Variants in VAMP7 observed in about 807,000 individuals in gnomAD.
The protein encoded by VAMP7 is vesicle-associated membrane protein 7.
In VAMP7, 14 loss-of-function variants were observed where a neutral mutation model predicts 29.6. That is an observed-to-expected ratio of 0.47 (90% CI 0.31 to 0.74). VAMP7 has a LOEUF of 0.74. VAMP7 is among the 30% of genes least tolerant of loss of function. The pLI, the probability that VAMP7 is intolerant of heterozygous loss-of-function variation, is 0.05. For synonymous variants in VAMP7, 95 were observed against 88.1 expected (o/e 1.08, Z -0.44); for missense variants, 223 against 262.4 (o/e 0.85, Z 1.04).
chrX:155,906,676 C>T (rs2066152206), intron 5 of VAMP7, among the ~76,000 whole-genome samples: 3 of 151,974 alleles, frequency 2.0e-5, no homozygotes, highest in African/African-American at 7.2e-5. Flanking sequence ...ATCATACAAC[C>T]TTGTTCTCCT....
At chrX:155,936,967 C>T (rs2066669002) in intron 6 of VAMP7, among the ~76,000 whole-genome samples, 2 of 152,000 alleles carry the variant, frequency 1.3e-5, no homozygotes, top group Admixed American at 1.3e-4. Flanking sequence ...TTCAAGAAGA[C>T]ACAAATCAAT....
At chrX:155,909,436 T>C (rs758830673) in intron 5 of VAMP7, among the ~76,000 whole-genome samples, 16 of 152,298 alleles carry the variant, frequency 1.1e-4, no homozygotes, top group African/African-American at 3.6e-4. Context: ...ACTTCTGGTT[T>C]CATAGATTTT....
intron 6 of VAMP7, among the ~76,000 whole-genome samples, chrX:155,922,071 T>C (rs2066404265): frequency 1.3e-5 from 2 of 152,100 alleles, no homozygotes; most frequent in African/African-American, 4.8e-5. Context: ...TTGTATTGTG[T>C]AACAAATTTT....
chrX:155,939,646 C>A (rs1008424645), intron 6 of VAMP7, 55 bp from the exon 7 acceptor site: 10 of 1,271,680 alleles, frequency 7.9e-6, no homozygotes, highest in Non-Finnish European at 9.2e-6. Flanking sequence ...GTTGTTACTG[C>A]AAATCATTCA....
intron 6 of VAMP7, among the ~76,000 whole-genome samples, chrX:155,934,345 G>C (rs1446173190): frequency 6.6e-6 from 1 of 152,140 alleles, no homozygotes; most frequent in Non-Finnish European, 1.5e-5. Context: ...AAGTCTCTTT[G>C]TAGGTCTCTA....
intron 5 of VAMP7, among the ~76,000 whole-genome samples, chrX:155,918,514 C>G (rs1602981253): frequency 6.6e-6 from 1 of 152,236 alleles, no homozygotes; most frequent in African/African-American, 2.4e-5. Context: ...CCAGAGTGCA[C>G]CATTCCTCAC....
chrX:155,906,361 G>C (rs1029976849), intron 5 of VAMP7, among the ~76,000 whole-genome samples: 4 of 151,948 alleles, frequency 2.6e-5, no homozygotes, highest in Admixed American at 6.6e-5. Context: ...TCCATCCTCT[G>C]ACCCCCTCAC....
At chrX:155,901,593 T>A (rs2066063346) in intron 5 of VAMP7, among the ~76,000 whole-genome samples, 1 of 152,194 alleles carries the variant, frequency 6.6e-6, no homozygotes, top group South Asian at 2.1e-4. Flanking sequence ...TACATATGGC[T>A]AGCCAGTTTT....
intron 5 of VAMP7, among the ~76,000 whole-genome samples, chrX:155,905,162 C>A (rs2066130092): frequency 6.6e-6 from 1 of 151,874 alleles, no homozygotes; most frequent in African/African-American, 2.4e-5. Flanking sequence ...TCCCTGATGA[C>A]TAATGATGTT....
At chrX:155,910,675 T>G (rs1476645584) in intron 5 of VAMP7, among the ~76,000 whole-genome samples, 2 of 152,184 alleles carry the variant, frequency 1.3e-5, no homozygotes, top group South Asian at 4.2e-4. Flanking sequence ...GATATCTCAT[T>G]TTGGCTTTTA....
At chrX:155,884,748 G>A (rs2065846497) in intron 1 of VAMP7, among the ~76,000 whole-genome samples, 1 of 152,156 alleles carries the variant, frequency 6.6e-6, no homozygotes, top group Non-Finnish European at 1.5e-5. Flanking sequence ...ATTTTTCAGT[G>A]TTATCAAAAT....
chrX:155,925,558 C>T (rs2066455722), intron 6 of VAMP7, among the ~76,000 whole-genome samples: 1 of 152,180 alleles, frequency 6.6e-6, no homozygotes, highest in African/African-American at 2.4e-5. Flanking sequence ...TGGTTTTATA[C>T]ATTCTAGGGA....
rs769573181 is a variant in VAMP7 at position 155,943,242 on chromosome X, C to T, written c.*1291C>T. The stretch of plus-strand genomic sequence containing the variant: ...TAAATTGAAATTATATTACATTTTA[C>T]ACTTTCTCAATGAATGAACAAATTA... On this transcript the variant is annotated 3_prime_UTR_variant, in exon 8 of 8. Coordinates refer to ENST00000286448, the MANE Select transcript of VAMP7 (RefSeq NM_005638.6). The T allele has an allele frequency of 6.6e-6, 1 of 151,576 alleles. No individual in the cohort carries two copies. Among genetic ancestry groups the T allele is most frequent in the South Asian group, 2.1e-4 (1 of 4,732 alleles). 9.4% of individuals were successfully genotyped at this position (151,576 alleles called of 1,614,324 possible).
intron 1 of VAMP7, 79 bp from the exon 2 acceptor site, chrX:155,889,379 T>C: frequency 6.5e-7 from 1 of 1,540,102 alleles, no homozygotes; most frequent in Non-Finnish European, 8.8e-7. Flanking sequence ...AGGTAGTATG[T>C]TGATAAATGA....
At chrX:155,903,714 T>C (rs1172439959) in intron 5 of VAMP7, among the ~76,000 whole-genome samples, 1 of 152,202 alleles carries the variant, frequency 6.6e-6, no homozygotes. Flanking sequence ...CAACAGTTAC[T>C]GGAGAGGATG....
At chrX:155,891,090 A>G (rs2065920819) in intron 2 of VAMP7, among the ~76,000 whole-genome samples, 6 of 152,198 alleles carry the variant, frequency 3.9e-5, no homozygotes, top group Admixed American at 3.9e-4. Flanking sequence ...GGCAGGGCCC[A>G]GAAGTGGCCT....
At position 155,919,794 on chromosome X, in the gene VAMP7, A is replaced by G; in HGVS notation, c.434-19A>G. On this transcript the variant is annotated intron_variant, in intron 5 of 7. Transcript: ENST00000286448. ...TACAATGGAAAACTTGACCTTTTCT[A>G]CTTTTCCAATATTTTCAGATCTGGT... The G allele has an allele frequency of 1.2e-6, 2 of 1,604,642 alleles. No individual in the cohort carries two copies. Among genetic ancestry groups the G allele is most frequent in the East Asian group, 2.2e-5 (1 of 44,780 alleles).
intron 6 of VAMP7, among the ~76,000 whole-genome samples, chrX:155,924,461 A>C (rs2066440863): frequency 6.6e-6 from 1 of 151,870 alleles, no homozygotes; most frequent in African/African-American, 2.4e-5. Flanking sequence ...CATTCCCCTT[A>C]CTCTCAGCCC....
chrX:155,923,253 A>G (rs1362563567), intron 6 of VAMP7, among the ~76,000 whole-genome samples: 3 of 151,920 alleles, frequency 2.0e-5, no homozygotes, highest in South Asian at 2.1e-4. Context: ...TGCAGCTACC[A>G]TTTCAGTGCT....
Sources: gnomAD v4.1 joint callset for allele counts (sites outside exome capture counted in the v4.1 genomes callset) on GRCh38, gnomAD v4.1.1 for gene constraint, MANE v1.5 for transcripts, NCBI Gene and HGNC (gene_info 2026-07-23, HGNC 2026-07-21) for gene names.